The following FARP1 variants were observed in gnomAD, a reference collection of about 807,000 sequenced individuals.
FARP1 encodes FERM, ARH/RhoGEF and pleckstrin domain protein 1, also known as FERM, ARHGEF and pleckstrin domain-containing protein 1.
A neutral mutation model predicts 128.8 loss-of-function variants in FARP1; 52 were observed. That is an observed-to-expected ratio of 0.40 (90% CI 0.32 to 0.51). The LOEUF is 0.51. FARP1 is among the 20% of genes least tolerant of loss of function. The pLI is 0.45. For synonymous variants in FARP1, 580 were observed against 551.8 expected (o/e 1.05, Z -0.72); for missense variants, 1,333 against 1,367.9 (o/e 0.97, Z 0.40).
chr13:98,244,063 G>C (rs1882928038), intron 2 of FARP1, among the ~76,000 whole-genome samples: 1 of 151,792 alleles, frequency 6.6e-6, no homozygotes, highest in South Asian at 2.1e-4. Context: ...GATTTCTCTG[G>C]GGCCATTTGA....
intron 2 of FARP1, among the ~76,000 whole-genome samples, chr13:98,238,791 A>G (rs1882596702): frequency 6.6e-6 from 1 of 152,178 alleles, no homozygotes; most frequent in Non-Finnish European, 1.5e-5. Context: ...GCCAAACCAT[A>G]TCATTGACTG....
intron 2 of FARP1, among the ~76,000 whole-genome samples, chr13:98,267,008 C>T (rs571419356): frequency 2.0e-5 from 2 of 102,058 alleles, no homozygotes; most frequent in South Asian, 8.3e-4. Context: ...TCAAGACTCC[C>T]ATCTCAAAAA....
In FARP1 at chr13:98,384,741, G is replaced by A. The variant is rs1198705201; in HGVS notation, c.508G>A (p.Asp170Asn). ...ISHIVQSEIG[D>N]FDEALDREHL... ...CTGTTTCTTTTTAGCTGAGATTGGG[G>A]ATTTTGATGAAGCCTTGGACAGAGA... is the stretch of plus-strand genomic sequence containing the variant. Residue 170 changes from aspartate (D) to asparagine (N), a missense_variant, in exon 7 of 27, where the codon GAT (aspartate) becomes AAT (asparagine). Transcript: ENST00000319562. 2 of 1,608,590 alleles carry A rather than the reference G, an allele frequency of 1.2e-6. No individual in the cohort carries two copies. The highest frequency in any genetic ancestry group is 2.2e-5 in the South Asian group (2 of 90,928).
At chr13:98,374,840 G>A (rs1459032674) in intron 5 of FARP1, among the ~76,000 whole-genome samples, 1 of 152,238 alleles carries the variant, frequency 6.6e-6, no homozygotes, top group Non-Finnish European at 1.5e-5. Context: ...AAGGCAAAGG[G>A]GAGCTGGCAT....
At chr13:98,255,910 G>A (rs1333420996) in intron 2 of FARP1, among the ~76,000 whole-genome samples, 10 of 152,192 alleles carry the variant, frequency 6.6e-5, no homozygotes, top group Non-Finnish European at 1.3e-4. Context: ...AGGCCATTGT[G>A]TGCGCAGTCA....
intron 2 of FARP1, among the ~76,000 whole-genome samples, chr13:98,298,324 C>T (rs961412517): frequency 2.6e-5 from 4 of 152,154 alleles, no homozygotes; most frequent in East Asian, 1.9e-4. Flanking sequence ...TCATTCGTGT[C>T]GCATAATCTG....
chr13:98,452,039 C>T lies in FARP1; in HGVS notation c.*3722C>T, dbSNP rs1188663000. 3 of 152,236 alleles carry T rather than the reference C, an allele frequency of 2.0e-5. No homozygotes were observed. The highest frequency in any genetic ancestry group is 2.0e-4 in the Admixed American group (3 of 15,278). The allele number at this position is 152,236 out of a possible 1,614,324, so 9.4% of individuals were successfully genotyped here. Reference sequence around the variant, plus strand: ...GGCAGCTCCAGGCCTGGGGACTTCTCCCTGGAGTCTTCCAAAGTGTCTCAT... The same window carrying T: ...GGCAGCTCCAGGCCTGGGGACTTCTTCCTGGAGTCTTCCAAAGTGTCTCAT... On this transcript the variant is annotated 3_prime_UTR_variant, in exon 27 of 27. Transcript: ENST00000319562.
intron 2 of FARP1, among the ~76,000 whole-genome samples, chr13:98,307,997 A>G (rs964699486): frequency 1.2e-5 from 1 of 83,184 alleles, no homozygotes; most frequent in Non-Finnish European, 2.6e-5. Context: ...CCTGGCCTGG[A>G]CTGCCTGCCC....
intron 2 of FARP1, among the ~76,000 whole-genome samples, chr13:98,278,330 T>C (rs543266829): frequency 6.6e-6 from 1 of 152,080 alleles, no homozygotes; most frequent in African/African-American, 2.4e-5. Context: ...AGTGTGTGTA[T>C]ATGTGTGTGA....
intron 2 of FARP1, among the ~76,000 whole-genome samples, chr13:98,271,280 C>A (rs1298221480): frequency 6.6e-6 from 1 of 152,168 alleles, no homozygotes; most frequent in Non-Finnish European, 1.5e-5. Context: ...TACAAACCAG[C>A]ACACGGTGAC....
At chr13:98,179,926 C>T (rs1206293384) in intron 1 of FARP1, among the ~76,000 whole-genome samples, 1 of 152,088 alleles carries the variant, frequency 6.6e-6, no homozygotes, top group Non-Finnish European at 1.5e-5. Context: ...GCATCTGATT[C>T]CCACCTTTGG....
intron 2 of FARP1, among the ~76,000 whole-genome samples, chr13:98,243,258 T>C (rs1050735732): frequency 6.6e-6 from 1 of 152,200 alleles, no homozygotes; most frequent in Non-Finnish European, 1.5e-5. Flanking sequence ...GTTCATTCAT[T>C]TTAATATTTC....
chr13:98,346,633 G>T (rs117531612), intron 3 of FARP1, among the ~76,000 whole-genome samples: 50 of 152,060 alleles, frequency 3.3e-4, no homozygotes, highest in Middle Eastern at 6.8e-3. Flanking sequence ...TAGTCCCAGT[G>T]ACTCAGGAAG....
At chr13:98,354,626 A>AT (rs971855514) in intron 3 of FARP1, among the ~76,000 whole-genome samples, 8 of 152,194 alleles carry the variant, frequency 5.3e-5, no homozygotes, top group Non-Finnish European at 1.0e-4. Context: ...ATATACACTA[A>AT]TTTTTTTGAC....
chr13:98,326,822 T>C (rs1887257089), intron 2 of FARP1, among the ~76,000 whole-genome samples: 1 of 152,232 alleles, frequency 6.6e-6, no homozygotes, highest in Non-Finnish European at 1.5e-5. Context: ...GAATTGAGTC[T>C]CAACTGTCCA....
chr13:98,410,820 T>G lies in FARP1; in HGVS notation c.1689T>G (p.Thr563=). Residue 563 remains threonine (T), a synonymous_variant, in exon 15 of 27, where the codon ACT becomes ACG. Coordinates refer to ENST00000319562, the MANE Select transcript of FARP1 (RefSeq NM_005766.4). ...ATCTGAAGGATCTCGAAGTTATCAC[T>G]TCGGTATGTGCAGTATTTCCCCAAA... The part of the protein sequence containing the change: ...RTYLKDLEVI[T]SWFQSTVSKE... 1 of 1,534,628 alleles carries G rather than the reference T, an allele frequency of 6.5e-7. No individual in the cohort carries two copies. The highest frequency in any genetic ancestry group is 9.0e-7 in the Non-Finnish European group (1 of 1,111,382).
intron 1 of FARP1, among the ~76,000 whole-genome samples, chr13:98,182,997 C>T (rs1188527630): frequency 1.3e-5 from 2 of 152,160 alleles, no homozygotes; most frequent in African/African-American, 2.4e-5. Context: ...ACCATAATAT[C>T]TGTTGATTCA....
intron 2 of FARP1, among the ~76,000 whole-genome samples, chr13:98,254,433 C>T (rs1594325242): frequency 6.6e-6 from 1 of 152,104 alleles, no homozygotes; most frequent in Non-Finnish European, 1.5e-5. Context: ...GACTAGATAA[C>T]ACATGTAAAA....
At chr13:98,384,525 AG>A in intron 6 of FARP1, 1 of 585,922 alleles carries the variant, frequency 1.7e-6, no homozygotes. Flanking sequence ...AGAGATGAGG[AG>A]GGGAGAAAAC....
Sources: allele counts gnomAD v4.1 joint callset (sites outside exome capture counted in the v4.1 genomes callset), GRCh38; gene constraint gnomAD v4.1.1; transcripts MANE v1.5; gene names NCBI Gene and HGNC (gene_info 2026-07-23, HGNC 2026-07-21).